The following RNF150 variants were observed in gnomAD, a reference collection of about 807,000 sequenced individuals.
The protein encoded by RNF150 is ring finger protein 150.
In RNF150, 24 loss-of-function variants were observed where a neutral mutation model predicts 39.3. The ratio of observed to expected loss-of-function variants is 0.61; its 90% confidence interval spans 0.44 to 0.86. The LOEUF (loss-of-function observed/expected upper bound fraction) is 0.86. Ranked by LOEUF, RNF150 falls within the 40% of genes least tolerant of loss-of-function variation. The pLI, the probability that RNF150 is intolerant of heterozygous loss-of-function variation, is 0.00. For missense variants in RNF150, 502 were observed against 587.8 expected, an observed-to-expected ratio of 0.85 and a Z score of 1.51; for synonymous variants, 255 against 227.3, an observed-to-expected ratio of 1.12 and a Z score of -1.10.
chr4:141,210,838 G>A (rs1728452359), intron 1 of RNF150, among the ~76,000 whole-genome samples: 1 of 152,164 alleles, frequency 6.6e-6, no homozygotes, highest in South Asian at 2.1e-4. Flanking sequence ...CTTTCTGGCA[G>A]CTAGGCATGC....
intron 1 of RNF150, among the ~76,000 whole-genome samples, chr4:141,006,257 T>C (rs1734869047): frequency 6.7e-6 from 1 of 150,280 alleles, no homozygotes. Context: ...TACATACATA[T>C]ATACGTATAT....
intron 1 of RNF150, among the ~76,000 whole-genome samples, chr4:140,987,838 G>C (rs1734063468): frequency 6.6e-6 from 1 of 152,066 alleles, no homozygotes; most frequent in South Asian, 2.1e-4. Context: ...CAGAATGGGA[G>C]AAAATATTCA....
At chr4:141,029,898 C>T (rs1173506972) in intron 1 of RNF150, among the ~76,000 whole-genome samples, 2 of 152,064 alleles carry the variant, frequency 1.3e-5, no homozygotes, top group African/African-American at 2.4e-5. Flanking sequence ...TACCAACATG[C>T]ATATAAAGAG....
chr4:141,116,378 CAT>C (rs1427185761), intron 1 of RNF150, among the ~76,000 whole-genome samples: 4 of 152,098 alleles, frequency 2.6e-5, no homozygotes, highest in Non-Finnish European at 5.9e-5. Context: ...GGCCAACAAA[CAT>C]ATGAAAAAAA....
chr4:140,924,950 T>A (rs1379330121), intron 5 of RNF150, among the ~76,000 whole-genome samples: 1 of 152,224 alleles, frequency 6.6e-6, no homozygotes, highest in Non-Finnish European at 1.5e-5. Flanking sequence ...GCCACTCTGA[T>A]ATTCCTAAGA....
intron 1 of RNF150, among the ~76,000 whole-genome samples, chr4:141,084,442 T>C (rs773380950): frequency 2.6e-5 from 4 of 152,190 alleles, no homozygotes; most frequent in Non-Finnish European, 4.4e-5. Context: ...AGGAATACAA[T>C]ATTTCAAAAA....
intron 4 of RNF150, among the ~76,000 whole-genome samples, chr4:140,928,946 G>A (rs1330530989): frequency 1.3e-5 from 2 of 152,140 alleles, no homozygotes; most frequent in Admixed American, 1.3e-4. Flanking sequence ...ATTGCTCTCT[G>A]TGAGAGCAAA....
intron 1 of RNF150, among the ~76,000 whole-genome samples, chr4:141,150,933 T>A (rs1727286135): frequency 6.6e-6 from 1 of 151,230 alleles, no homozygotes. Context: ...TTTCTTTTCT[T>A]CTTTGTTTTT....
At chr4:141,019,033 AATATATATATATATATATAT>A (rs10527652) in intron 1 of RNF150, among the ~76,000 whole-genome samples, 29,325 of 126,300 alleles carry the variant, frequency 0.23, 3,894 homozygotes, top group Middle Eastern at 0.45. Flanking sequence ...ACTGCAAAGA[AATATATATATATATATATAT>A]ATATATATAT....
At chr4:141,014,639 CTTTT>C (rs1735197783) in intron 1 of RNF150, among the ~76,000 whole-genome samples, 1 of 19,790 alleles carries the variant, frequency 5.1e-5, no homozygotes, top group Non-Finnish European at 4.0e-4. Flanking sequence ...TGCAACTCTT[CTTTT>C]GAGAAATGTC....
At chr4:141,049,714 TATG>T (rs1736707472) in intron 1 of RNF150, among the ~76,000 whole-genome samples, 1 of 152,242 alleles carries the variant, frequency 6.6e-6, no homozygotes, top group African/African-American at 2.4e-5. Flanking sequence ...TAGAAAACAG[TATG>T]TTCAGTGATT....
chr4:141,181,483 T>G (rs1432826010), intron 1 of RNF150, among the ~76,000 whole-genome samples: 1 of 152,206 alleles, frequency 6.6e-6, no homozygotes, highest in Non-Finnish European at 1.5e-5. Context: ...TGAAATTCAT[T>G]TATTTGATAG....
At chr4:141,000,053 G>GAA (rs1560679306) in intron 1 of RNF150, among the ~76,000 whole-genome samples, 5 of 98,546 alleles carry the variant, frequency 5.1e-5, no homozygotes, top group Non-Finnish European at 4.4e-5. Flanking sequence ...AGAAGAAGAA[G>GAA]AAGAAGAAGA....
chr4:141,085,125 G>C (rs1367630150), intron 1 of RNF150, among the ~76,000 whole-genome samples: 1 of 152,154 alleles, frequency 6.6e-6, no homozygotes, highest in South Asian at 2.1e-4. Context: ...GGCTGGAAAG[G>C]CCTCACAGTC....
intron 1 of RNF150, among the ~76,000 whole-genome samples, chr4:140,978,018 T>A (rs1196128149): frequency 2.6e-5 from 4 of 152,172 alleles, no homozygotes; most frequent in Non-Finnish European, 4.4e-5. Flanking sequence ...ACAATCTTAG[T>A]CTGAACAATA....
At chr4:140,911,803 G>A (rs1379170378) in intron 5 of RNF150, among the ~76,000 whole-genome samples, 2 of 152,114 alleles carry the variant, frequency 1.3e-5, no homozygotes, top group Admixed American at 6.6e-5. Flanking sequence ...GAGAGTGGGA[G>A]GGAGGATAGA....
At chr4:141,135,431 A>G (rs943355455), upstream of RNF150, among the ~76,000 whole-genome samples, 1 of 152,210 alleles carries the variant, frequency 6.6e-6, no homozygotes, top group African/African-American at 2.4e-5. Flanking sequence ...TCCAAGCATG[A>G]TGGGAGTATG....
intron 1 of RNF150, among the ~76,000 whole-genome samples, chr4:140,998,216 C>T (rs1418075035): frequency 2.0e-5 from 3 of 152,140 alleles, no homozygotes; most frequent in Non-Finnish European, 4.4e-5. Context: ...TTGTGTTCCC[C>T]AAAAGTTCAT....
chr4:141,046,195 T>G (rs1254071405), intron 1 of RNF150, among the ~76,000 whole-genome samples: 2 of 152,208 alleles, frequency 1.3e-5, no homozygotes, highest in African/African-American at 4.8e-5. Context: ...AAATACAAGC[T>G]TGGTCTGACT....
Sources: allele counts gnomAD v4.1 joint callset (sites outside exome capture counted in the v4.1 genomes callset), GRCh38; gene constraint gnomAD v4.1.1; transcripts MANE v1.5; gene names NCBI Gene and HGNC (gene_info 2026-07-23, HGNC 2026-07-21).